PXK: variants seen among roughly 807,000 people sequenced by gnomAD.
The protein encoded by PXK is PX domain containing serine/threonine kinase like, also known as PX domain-containing protein kinase-like protein.
In PXK, 35 loss-of-function variants were observed where a neutral mutation model predicts 84.7. That is an observed-to-expected ratio of 0.41 (90% CI 0.32 to 0.55). PXK has a LOEUF of 0.55. Ranked by LOEUF, PXK falls within the 20% of genes least tolerant of loss-of-function variation. PXK has a pLI of 0.21. For missense variants in PXK, 634 were observed against 699.7 expected (o/e 0.91, Z 1.06); for synonymous variants, 253 against 260.8 (o/e 0.97, Z 0.29).
At chr3:58,349,357 CTT>C (rs547487999) in intron 1 of PXK, among the ~76,000 whole-genome samples, 11 of 134,886 alleles carry the variant, frequency 8.2e-5, no homozygotes, top group Non-Finnish European at 6.3e-5. Context: ...TCATAAATAT[CTT>C]TTTTTTTTTT....
chr3:58,371,216 A>G (rs1256823586), intron 3 of PXK, among the ~76,000 whole-genome samples: 1 of 152,238 alleles, frequency 6.6e-6, no homozygotes, highest in Non-Finnish European at 1.5e-5. Context: ...GTCTTCAGAT[A>G]GAATATTGGC....
chr3:58,399,340 A>C lies in PXK; in HGVS notation c.1144A>C (p.Asn382His), dbSNP rs778809135. 1.2e-6 allele frequency: 2 copies of C among 1,614,138 alleles called. No individual in the cohort carries two copies. Among genetic ancestry groups the C allele is most frequent in the Non-Finnish European group, 1.7e-6 (2 of 1,179,994 alleles). Reference protein sequence around the residue: ...ESTLSCEACKNGMPTISRLLQ... With the variant: ...ESTLSCEACKHGMPTISRLLQ... ...TACGCTGTCTTGTGAAGCCTGTAAA[A>C]ATGGCATGCCTACCATCTCCCGGCT... is the stretch of plus-strand genomic sequence containing the variant. Residue 382 changes from asparagine (N) to histidine (H), a missense_variant, in exon 12 of 18, where the codon AAT becomes CAT. Asn to His is a moderately conservative substitution (Grantham distance 68). Transcript: ENST00000356151. This position sits in a 1 kb window ranked among gnomAD's most constrained non-coding sequence, Gnocchi z 4.3.
chr3:58,352,271 G>T (rs1230256499), intron 1 of PXK, among the ~76,000 whole-genome samples: 1 of 152,222 alleles, frequency 6.6e-6, no homozygotes, highest in Non-Finnish European at 1.5e-5. Flanking sequence ...AGGAGACATG[G>T]CCCAGGAGGG....
At chr3:58,384,298 A>G (rs1426906904) in intron 4 of PXK, among the ~76,000 whole-genome samples, 2 of 152,236 alleles carry the variant, frequency 1.3e-5, no homozygotes, top group African/African-American at 2.4e-5. Flanking sequence ...TTGCACGCAC[A>G]TTAAAGCGTG....
Position 58,385,102 on chromosome 3 carries a change from G to A in PXK, c.388+2402G>A, listed in dbSNP as rs1390356977. Among the ~76,000 whole-genome samples the A allele has an allele frequency of 3.3e-5, 5 of 152,076 alleles. No individual in the cohort carries two copies. The highest frequency in any genetic ancestry group is 5.9e-5 in the Non-Finnish European group (4 of 68,006). On this transcript the variant is annotated intron_variant, in intron 4 of 17. Coordinates refer to ENST00000356151, the MANE Select transcript of PXK (RefSeq NM_017771.5). This position sits in a 1 kb window ranked among gnomAD's most constrained non-coding sequence, Gnocchi z 5.1. ...TTTTTCTGTACCTGCCCCACATGCTGTTGTTGTCTTTGATCTCTACTCCCC... is the reference window on the plus strand; with the variant it reads ...TTTTTCTGTACCTGCCCCACATGCTATTGTTGTCTTTGATCTCTACTCCCC...
At chr3:58,395,165 C>T (rs1395241676) in intron 8 of PXK, 63 bp downstream of exon 8, 4 of 1,231,806 alleles carry the variant, frequency 3.2e-6, no homozygotes, top group Middle Eastern at 1.9e-4. Flanking sequence ...GTTATTGATA[C>T]TTAGTCTCTA....
At chr3:58,342,381 G>A (rs1371843892) in intron 1 of PXK, among the ~76,000 whole-genome samples, 4 of 152,024 alleles carry the variant, frequency 2.6e-5, no homozygotes. Context: ...GGTGGCTCTT[G>A]CCTGTAATCA....
At chr3:58,356,097 ACTT>A in intron 1 of PXK, among the ~76,000 whole-genome samples, 1 of 152,316 alleles carries the variant, frequency 6.6e-6, no homozygotes, top group African/African-American at 2.4e-5. Flanking sequence ...TTCCTCCCTC[ACTT>A]AAGTCAGAAA....
chr3:58,408,765 G>A lies in PXK; in HGVS notation c.1231-159G>A, dbSNP rs186318404. On this transcript the variant is annotated intron_variant, in intron 13 of 17. Transcript: ENST00000356151. ...TCTCCATCTCCTGACCGCGTGATCC[G>A]CCCGCCTTGGCCTCTCAAAGTCCTG... Among the ~76,000 whole-genome samples, 80 of 152,112 alleles carry A rather than the reference G, an allele frequency of 5.3e-4. No homozygotes were observed. The East Asian group carries it at 7.7e-3, about 15-fold the overall frequency.
At chr3:58,419,704 A>G (rs11714807) in intron 17 of PXK, among the ~76,000 whole-genome samples, 45,073 of 152,098 alleles carry the variant, frequency 0.3, 7,439 homozygotes, top group Middle Eastern at 0.39. Flanking sequence ...AGCCTTGGGG[A>G]ACAATGGTAC....
chr3:58,403,801 A>T, intron 12 of PXK, 61 bp from the exon 13 acceptor site: 1 of 1,153,038 alleles, frequency 8.7e-7, no homozygotes, highest in Non-Finnish European at 1.2e-6. Flanking sequence ...ATCTGCTTTC[A>T]TCCTAGTCTG....
Position 58,399,446 on chromosome 3 carries a change from C to T in PXK, c.1181+69C>T. 6.8e-7 allele frequency: 1 copy of T among 1,469,198 alleles called. No homozygotes were observed. Among genetic ancestry groups the T allele is most frequent in the Non-Finnish European group, 9.5e-7 (1 of 1,055,606 alleles). 91.0% of individuals were successfully genotyped at this position (1,469,198 alleles called of 1,614,324 possible). A position where few individuals can be genotyped will look rare whatever the true frequency, so the allele number is the denominator to read the frequency against. On this transcript the variant is annotated intron_variant, in intron 12 of 17. Transcript: ENST00000356151. The surrounding 1 kb of genome is among the most constrained non-coding windows in gnomAD (Gnocchi z 4.3). ...TGAACACCAGACCACTGTGTCCAAG[C>T]ACCTGGTACTGTAGTAAAGATTCTT...
intron 4 of PXK, among the ~76,000 whole-genome samples, chr3:58,389,169 A>AT (rs985123098): frequency 1.2e-4 from 18 of 151,856 alleles, no homozygotes; most frequent in South Asian, 2.1e-4. Flanking sequence ...AAGAGGATGG[A>AT]TTTTTTTTTC....
chr3:58,362,582 C>T (rs1478649979), intron 1 of PXK, among the ~76,000 whole-genome samples: 1 of 152,192 alleles, frequency 6.6e-6, no homozygotes, highest in Non-Finnish European at 1.5e-5. Flanking sequence ...TTTAATTAGG[C>T]ATACTTATAT....
chr3:58,393,302 C>T (rs1036554360), intron 7 of PXK, among the ~76,000 whole-genome samples: 32 of 151,972 alleles, frequency 2.1e-4, no homozygotes, highest in African/African-American at 7.2e-4. Context: ...GAGCCGAGAT[C>T]GTGCCACTGC....
At chr3:58,415,955 A>G (rs1442772665) in intron 17 of PXK, among the ~76,000 whole-genome samples, 1 of 152,236 alleles carries the variant, frequency 6.6e-6, no homozygotes, top group African/African-American at 2.4e-5. Flanking sequence ...TCTGACTTGC[A>G]GTTGATCTTA....
At chr3:58,335,819 A>G (rs888508468) in intron 1 of PXK, among the ~76,000 whole-genome samples, 2 of 151,912 alleles carry the variant, frequency 1.3e-5, no homozygotes, top group Non-Finnish European at 2.9e-5. Flanking sequence ...AAATGGGAGT[A>G]ATAAATGCCT....
intron 4 of PXK, among the ~76,000 whole-genome samples, chr3:58,388,395 T>G (rs149673400): frequency 2.3e-3 from 354 of 152,360 alleles, no homozygotes; most frequent in African/African-American, 8.1e-3. Flanking sequence ...AGAATGACAT[T>G]GTACACATTA....
rs950991409 is a variant in PXK, at chr3:58,421,126, C to G, written c.1529-3626C>G. 1.0e-6 allele frequency: 1 copy of G among 985,286 alleles called. No homozygotes were observed. Among genetic ancestry groups the G allele is most frequent in the African/African-American group, 1.7e-5 (1 of 57,216 alleles). 61.0% of individuals were successfully genotyped at this position (985,286 alleles called of 1,614,324 possible). ...GGTTCTCCCGAGAGCTGGGGGCTTG[C>G]CTGCTTCGGTTCTCTCCTGAGGGTG... On this transcript the variant is annotated intron_variant, in intron 17 of 17. Transcript: ENST00000356151. This position sits in a 1 kb window ranked among gnomAD's most constrained non-coding sequence, Gnocchi z 5.5.
Sources: allele counts gnomAD v4.1 joint callset (sites outside exome capture counted in the v4.1 genomes callset), GRCh38; gene constraint gnomAD v4.1.1; non-coding constraint Gnocchi (gnomAD v3.1); transcripts MANE v1.5; gene names NCBI Gene and HGNC (gene_info 2026-07-23, HGNC 2026-07-21).